Variants in ELOVL2 observed in about 807,000 individuals in gnomAD.
ELOVL2 encodes the protein ELOVL fatty acid elongase 2.
In ELOVL2, 38 loss-of-function variants were observed where a neutral mutation model predicts 37.7. That is an observed-to-expected ratio of 1.01 (90% confidence interval 0.78 to 1.32). ELOVL2 has a LOEUF of 1.32. Ranked by LOEUF, ELOVL2 falls within the 40% of genes most tolerant of loss-of-function variation. The probability of loss-of-function intolerance (pLI) is 0.00; values close to 1 mark genes in which losing one functional copy is unlikely to be tolerated. For synonymous variants in ELOVL2, 115 were observed against 122.3 expected (o/e 0.94, Z 0.40); for missense variants, 352 against 363.6 (o/e 0.97, Z 0.26).
intron 2 of ELOVL2, among the ~76,000 whole-genome samples, chr6:11,009,360 A>C (rs1010311717): frequency 6.6e-6 from 1 of 152,346 alleles, no homozygotes; most frequent in East Asian, 1.9e-4. Context: ...ACAATATACT[A>C]TAATAAAAGT....
intron 7 of ELOVL2, among the ~76,000 whole-genome samples, chr6:10,986,366 C>A (rs1316527619): frequency 6.6e-6 from 1 of 152,172 alleles, no homozygotes; most frequent in Non-Finnish European, 1.5e-5. Flanking sequence ...ATTGCCCTGG[C>A]CAGAACTTCC....
chr6:11,003,848 G>A (rs1782432191), intron 3 of ELOVL2, among the ~76,000 whole-genome samples: 2 of 152,084 alleles, frequency 1.3e-5, no homozygotes, highest in African/African-American at 2.4e-5. Context: ...CTGGGAGGCC[G>A]AGGCGGGTGG....
In ELOVL2 at chr6:10,984,281, G is replaced by A. The variant is rs537022374; in HGVS notation, c.766-375C>T. Among the ~76,000 whole-genome samples the A allele has an allele frequency of 2.8e-3, 431 of 152,278 alleles. 1 individual carries two copies. Among genetic ancestry groups the A allele is most frequent in the Non-Finnish European group, 4.6e-3 (316 of 68,016 alleles). On this transcript the variant is annotated intron_variant, in intron 7 of 7. Transcript: ENST00000354666. ...GATCCACCCGCCTCGGCCTCCCAAAGTACTAAGATTACAGGCGTGAGCCAC... is the reference window on the plus strand; with the variant it reads ...GATCCACCCGCCTCGGCCTCCCAAAATACTAAGATTACAGGCGTGAGCCAC...
chr6:11,024,906 T>C (rs1782817078), intron 1 of ELOVL2, among the ~76,000 whole-genome samples: 2 of 152,318 alleles, frequency 1.3e-5, no homozygotes, highest in Middle Eastern at 3.4e-3. Flanking sequence ...ATGTATACAT[T>C]TGAGAGAAAC....
At chr6:10,986,419 C>G (rs943798386) in intron 7 of ELOVL2, among the ~76,000 whole-genome samples, 2 of 152,330 alleles carry the variant, frequency 1.3e-5, no homozygotes, top group African/African-American at 4.8e-5. Context: ...GCATCCCTGT[C>G]TTGTGCCAGT....
intron 1 of ELOVL2, among the ~76,000 whole-genome samples, chr6:11,020,631 AC>A (rs1581876201): frequency 6.6e-6 from 1 of 152,180 alleles, no homozygotes; most frequent in Admixed American, 6.5e-5. Flanking sequence ...GATGACTCCA[AC>A]CCCACAGTAA....
intron 5 of ELOVL2, among the ~76,000 whole-genome samples, chr6:10,991,665 T>G (rs1226743912): frequency 6.6e-6 from 1 of 152,204 alleles, no homozygotes. Flanking sequence ...ATGCATAGAG[T>G]AAATTCTCAA....
At chr6:11,017,969 C>A (rs541007063) in intron 1 of ELOVL2, among the ~76,000 whole-genome samples, 1 of 152,190 alleles carries the variant, frequency 6.6e-6, no homozygotes, top group Non-Finnish European at 1.5e-5. Flanking sequence ...ACTTCGCATT[C>A]CTAGTTATAT....
chr6:11,030,360 A>G (rs145576845), intron 1 of ELOVL2, among the ~76,000 whole-genome samples: 4 of 152,348 alleles, frequency 2.6e-5, no homozygotes, highest in African/African-American at 7.2e-5. Flanking sequence ...TGGGACTCCA[A>G]TGCAGATCCC....
At chr6:11,037,249 GGAGA>G (rs1384300683) in intron 1 of ELOVL2, among the ~76,000 whole-genome samples, 1 of 150,096 alleles carries the variant, frequency 6.7e-6, no homozygotes, top group Non-Finnish European at 1.5e-5. Context: ...AGGCAGAGAG[GGAGA>G]GAGAGACGGC....
intron 5 of ELOVL2, among the ~76,000 whole-genome samples, chr6:10,993,824 G>A (rs1350695900): frequency 6.7e-6 from 1 of 148,954 alleles, no homozygotes; most frequent in Non-Finnish European, 1.5e-5. Flanking sequence ...AGGAGCTGGT[G>A]GTATTACAAG....
At chr6:11,010,993 T>C (rs770974103) in intron 1 of ELOVL2, among the ~76,000 whole-genome samples, 184 bp from the exon 2 acceptor site, 18 of 152,106 alleles carry the variant, frequency 1.2e-4, no homozygotes, top group Non-Finnish European at 2.4e-4. Context: ...CACAAGCCTA[T>C]AAAGATTTGG....
At chr6:11,021,678 T>C (rs899953222) in intron 1 of ELOVL2, among the ~76,000 whole-genome samples, 1 of 152,194 alleles carries the variant, frequency 6.6e-6, no homozygotes, top group Non-Finnish European at 1.5e-5. Flanking sequence ...AACCTTTTTA[T>C]TTTAGACTTT....
At chr6:10,994,945 G>C (rs1782237210) in intron 5 of ELOVL2, 62 bp downstream of exon 5, 2 of 1,338,292 alleles carry the variant, frequency 1.5e-6, no homozygotes, top group Admixed American at 4.1e-5. Context: ...CTTAATACAA[G>C]ACAGCACCAG....
chr6:11,043,249 C>T (rs1783130935), intron 1 of ELOVL2, among the ~76,000 whole-genome samples: 1 of 152,132 alleles, frequency 6.6e-6, no homozygotes, highest in Non-Finnish European at 1.5e-5. Context: ...GGGGGTGAGG[C>T]AAACACTGAA....
chr6:11,005,902 TG>T (rs998002060), intron 2 of ELOVL2, among the ~76,000 whole-genome samples: 6 of 151,468 alleles, frequency 4.0e-5, no homozygotes, highest in African/African-American at 9.8e-5. Context: ...ATTTTATGGA[TG>T]GAAAAAAAAA....
intron 1 of ELOVL2, among the ~76,000 whole-genome samples, chr6:11,041,749 A>G (rs1783100715): frequency 6.6e-6 from 1 of 152,092 alleles, no homozygotes; most frequent in Non-Finnish European, 1.5e-5. Flanking sequence ...TGTAAATTTT[A>G]TTAAACAATT....
intron 1 of ELOVL2, among the ~76,000 whole-genome samples, chr6:11,039,736 A>C (rs1478735862): frequency 1.3e-5 from 2 of 152,104 alleles, no homozygotes; most frequent in Non-Finnish European, 2.9e-5. Flanking sequence ...CCCCTAGCTT[A>C]TTTTTCTCCT....
At chr6:11,026,144 G>C (rs1038274202) in intron 1 of ELOVL2, among the ~76,000 whole-genome samples, 1 of 152,198 alleles carries the variant, frequency 6.6e-6, no homozygotes, top group Non-Finnish European at 1.5e-5. Context: ...CTAGCAGCCT[G>C]ATGAGTGGTT....
Sources: allele counts gnomAD v4.1 joint callset (sites outside exome capture counted in the v4.1 genomes callset), GRCh38; gene constraint gnomAD v4.1.1; transcripts MANE v1.5; gene names NCBI Gene and HGNC (gene_info 2026-07-23, HGNC 2026-07-21).